The following FBXO8 variants were observed in gnomAD, a reference collection of about 807,000 sequenced individuals.
FBXO8 encodes F-box only protein 8.
Under a neutral mutation model 33.4 loss-of-function variants are expected in FBXO8, and 15 were observed. That is an observed-to-expected ratio of 0.45 (90% CI 0.30 to 0.69). FBXO8 has a LOEUF of 0.69. FBXO8 is among the 30% of genes least tolerant of loss of function. The pLI, the probability that FBXO8 is intolerant of heterozygous loss-of-function variation, is 0.08. For missense variants in FBXO8, 274 were observed against 380.3 expected, an observed-to-expected ratio of 0.72 and a Z score of 2.32; for synonymous variants, 132 against 131.5, an observed-to-expected ratio of 1.00 and a Z score of -0.02.
intron 3 of FBXO8, among the ~76,000 whole-genome samples, chr4:174,244,148 T>C (rs1247338573): frequency 6.6e-6 from 1 of 151,336 alleles, no homozygotes; most frequent in Non-Finnish European, 1.5e-5. Context: ...TTAAGCTCTT[T>C]TGGGGGGCTA....
In FBXO8 at chr4:174,256,133, T is replaced by C. The variant is rs1216263121; in HGVS notation, c.456+3566A>G. On this transcript the variant is annotated intron_variant, in intron 3 of 5. Coordinates refer to ENST00000393674, the MANE Select transcript of FBXO8 (RefSeq NM_012180.3). The surrounding 1 kb of genome is among the most constrained non-coding windows in gnomAD (Gnocchi z 4.6). ...CATGAACGGTGTCCTTTGGAGAATC[T>C]TGTTCCCTGTGGCTGTAAGTATTCT... 2 of 456,004 alleles carry C rather than the reference T, an allele frequency of 4.4e-6. No homozygotes were observed. Among genetic ancestry groups the C allele is most frequent in the Non-Finnish European group, 8.8e-6 (2 of 226,832 alleles). The allele number at this position is 456,004 out of a possible 1,614,324, so 28.2% of individuals were successfully genotyped here. A position where few individuals can be genotyped will look rare whatever the true frequency, so the allele number is the denominator to read the frequency against.
chr4:174,280,920 A>C (rs933527790), intron 1 of FBXO8, among the ~76,000 whole-genome samples: 21 of 152,196 alleles, frequency 1.4e-4, no homozygotes, highest in Admixed American at 1.3e-3. Context: ...TCAGTTTTAC[A>C]AGATAAAAAG....
rs1221289408 is a variant in FBXO8, at chr4:174,272,252, C to T, written c.-8-9152G>A. On this transcript the variant is annotated intron_variant, in intron 1 of 5. Transcript: ENST00000393674. The surrounding 1 kb of genome is among the most constrained non-coding windows in gnomAD (Gnocchi z 4.7). ...CCAGGATCACCCCCTCATGTCACCT[C>T]CCCCAGATACCAAAATCCATGAATG... Among the ~76,000 whole-genome samples the T allele has an allele frequency of 1.3e-5, 2 of 152,138 alleles. No homozygotes were observed. The highest frequency in any genetic ancestry group is 2.9e-5 in the Non-Finnish European group (2 of 68,014).
intron 3 of FBXO8, among the ~76,000 whole-genome samples, chr4:174,249,895 A>G (rs1736247565): frequency 1.3e-5 from 2 of 152,022 alleles, no homozygotes; most frequent in South Asian, 4.1e-4. Flanking sequence ...GCTAGGAGAT[A>G]TTGATGTGAC....
At chr4:174,282,336 G>A (rs369910272) in intron 1 of FBXO8, among the ~76,000 whole-genome samples, 3 of 152,124 alleles carry the variant, frequency 2.0e-5, no homozygotes, top group African/African-American at 7.2e-5. Context: ...AAGTTACGCT[G>A]CACCCTAATT....
chr4:174,237,246 A>C lies in FBXO8; in HGVS notation c.*166T>G. On this transcript the variant is annotated 3_prime_UTR_variant, in exon 6 of 6. Transcript: ENST00000393674. This position sits in a 1 kb window ranked among gnomAD's most constrained non-coding sequence, Gnocchi z 4.4. ...TTCTGCAAAATTATTTAGTTCCCCA[A>C]GGAAATTACTAAAATAGAAAATGGC... The C allele has an allele frequency of 7.2e-6, 4 of 558,818 alleles. No homozygotes were observed. The highest frequency in any genetic ancestry group is 1.2e-5 in the Non-Finnish European group (4 of 332,686). 34.6% of individuals were successfully genotyped at this position (558,818 alleles called of 1,614,324 possible). A position where few individuals can be genotyped will look rare whatever the true frequency, so the allele number is the denominator to read the frequency against.
At position 174,265,536 on chromosome 4, in the gene FBXO8, A is replaced by C. The variant is rs1736673786; in HGVS notation, c.-8-2436T>G. On this transcript the variant is annotated intron_variant, in intron 1 of 5. Coordinates refer to ENST00000393674, the MANE Select transcript of FBXO8 (RefSeq NM_012180.3). The surrounding 1 kb of genome is among the most constrained non-coding windows in gnomAD (Gnocchi z 4.7). ...ATTTAGCACTAAAAAGAAATGAGCT[A>C]TCAAGCAATGAAAAGACATGGAGGA... Among the ~76,000 whole-genome samples, 1 of 152,194 alleles carries C rather than the reference A, an allele frequency of 6.6e-6. No homozygotes were observed. The highest frequency in any genetic ancestry group is 1.9e-4 in the East Asian group (1 of 5,204).
Position 174,241,194 on chromosome 4 carries a change from C to T in FBXO8, c.481G>A (p.Gly161Ser). The T allele has an allele frequency of 6.2e-7, 1 of 1,607,886 alleles. No individual in the cohort carries two copies. ...TCCTTTGGCGAATCATCCAGGATAC[C>T]CTTGGACATAAAGTAGTTCACTCCC... Reference protein sequence around the residue: ...DEGVNYFMSKGILDDSPKEIA... With the variant: ...DEGVNYFMSKSILDDSPKEIA... The change falls in exon 4 of 6, where the codon GGT becomes AGT. Residue 161 changes from glycine to serine, a missense_variant. Coordinates refer to ENST00000393674, the MANE Select transcript of FBXO8 (RefSeq NM_012180.3). The surrounding 1 kb of genome is among the most constrained non-coding windows in gnomAD (Gnocchi z 4.2).
At chr4:174,268,714 G>A (rs1023419618) in intron 1 of FBXO8, among the ~76,000 whole-genome samples, 1 of 152,212 alleles carries the variant, frequency 6.6e-6, no homozygotes, top group African/African-American at 2.4e-5. Flanking sequence ...GGGATTACAG[G>A]CGTGAGCCAC....
intron 1 of FBXO8, among the ~76,000 whole-genome samples, chr4:174,273,623 T>C (rs1239365918): frequency 6.6e-6 from 1 of 152,198 alleles, no homozygotes; most frequent in Non-Finnish European, 1.5e-5. Context: ...GTATGCAACC[T>C]ACTCCAAAAT....
rs1737174451 is a variant in FBXO8, at chr4:174,283,124, C to T, written c.-9+286G>A. 6.6e-6 allele frequency among the ~76,000 whole-genome samples: 1 copy of T among 152,198 alleles called. No homozygotes were observed. Among genetic ancestry groups the T allele is most frequent in the Non-Finnish European group, 1.5e-5 (1 of 68,030 alleles). ...CCCTTGTCATTTCTCAGGTTTATTT[C>T]ACAATGACGCTGGGTTACTACTTGG... On this transcript the variant is annotated intron_variant, in intron 1 of 5. Transcript: ENST00000393674. The surrounding 1 kb of genome is among the most constrained non-coding windows in gnomAD (Gnocchi z 6.7).
chr4:174,264,095 A>G (rs1736633657), intron 1 of FBXO8, among the ~76,000 whole-genome samples: 1 of 152,166 alleles, frequency 6.6e-6, no homozygotes, highest in Admixed American at 6.6e-5. Context: ...GTTGACTACT[A>G]ATACCTGTGT....
chr4:174,276,306 C>T (rs921984191), intron 1 of FBXO8, among the ~76,000 whole-genome samples: 7 of 151,994 alleles, frequency 4.6e-5, no homozygotes, highest in African/African-American at 1.7e-4. Context: ...GGAACAATCT[C>T]GGCTCACTGC....
At chr4:174,268,268 TTAATACATATTGC>T (rs1736738971) in intron 1 of FBXO8, among the ~76,000 whole-genome samples, 1 of 152,194 alleles carries the variant, frequency 6.6e-6, no homozygotes, top group African/African-American at 2.4e-5. Context: ...TGAAAGACAT[TTAATACATATTGC>T]TAATTCATTA....
chr4:174,247,053 G>A lies in FBXO8; in HGVS notation c.457-5835C>T, dbSNP rs1036927617. 6.6e-6 allele frequency among the ~76,000 whole-genome samples: 1 copy of A among 151,992 alleles called. No individual in the cohort carries two copies. The highest frequency in any genetic ancestry group is 1.5e-5 in the Non-Finnish European group (1 of 67,984). On this transcript the variant is annotated intron_variant, in intron 3 of 5. Coordinates refer to ENST00000393674, the MANE Select transcript of FBXO8 (RefSeq NM_012180.3). This position sits in a 1 kb window ranked among gnomAD's most constrained non-coding sequence, Gnocchi z 4.6. Reference sequence around the variant, plus strand: ...TCAGCCCATCTCTTGTTAAGGTTAAGCAAAATCTACCATACATATGTTCAG... The same window carrying A: ...TCAGCCCATCTCTTGTTAAGGTTAAACAAAATCTACCATACATATGTTCAG...
chr4:174,282,191 A>T (rs1737113769), intron 1 of FBXO8, among the ~76,000 whole-genome samples: 2 of 152,226 alleles, frequency 1.3e-5, no homozygotes, highest in South Asian at 4.1e-4. Flanking sequence ...TTCCCCATTA[A>T]AGTGACCATA....
chr4:174,249,177 A>T (rs1188907352), intron 3 of FBXO8, among the ~76,000 whole-genome samples: 3 of 152,080 alleles, frequency 2.0e-5, no homozygotes, highest in Non-Finnish European at 4.4e-5. Context: ...TAGCTAAGAA[A>T]GTATTTCCTA....
At chr4:174,280,291 C>A (rs747331126) in intron 1 of FBXO8, among the ~76,000 whole-genome samples, 1 of 151,782 alleles carries the variant, frequency 6.6e-6, no homozygotes, top group African/African-American at 2.4e-5. Flanking sequence ...AATGAGGGAC[C>A]ACCTTATACC....
At chr4:174,248,998 A>G (rs1013574725) in intron 3 of FBXO8, among the ~76,000 whole-genome samples, 4 of 152,034 alleles carry the variant, frequency 2.6e-5, no homozygotes, top group East Asian at 3.8e-4. Flanking sequence ...ATTTTTCAAG[A>G]GAGAAAAAGC....
Sources: gnomAD v4.1 joint callset for allele counts (sites outside exome capture counted in the v4.1 genomes callset) on GRCh38, gnomAD v4.1.1 for gene constraint, Gnocchi (gnomAD v3.1) non-coding constraint, MANE v1.5 for transcripts, NCBI Gene and HGNC (gene_info 2026-07-23, HGNC 2026-07-21) for gene names.